SPOPL: variants seen among roughly 807,000 people sequenced by gnomAD.
SPOPL encodes speckle-type POZ protein-like.
SPOPL carries 23 observed loss-of-function variants against 53.8 expected under a neutral mutation model. The observed-to-expected ratio is 0.43, with a 90% CI of 0.31 to 0.61. The LOEUF (loss-of-function observed/expected upper bound fraction) is 0.61, where lower values mean the gene tolerates loss of function less well. SPOPL is among the 20% of genes least tolerant of loss of function. SPOPL has a pLI of 0.12. For synonymous variants in SPOPL, 164 were observed against 149.7 expected, an observed-to-expected ratio of 1.10 and a Z score of -0.70; for missense variants, 442 against 466.9, an observed-to-expected ratio of 0.95 and a Z score of 0.49.
Position 138,546,141 on chromosome 2 carries a change from CATT to C in SPOPL, c.-60-4015_-60-4013del, listed in dbSNP as rs562718688. On this transcript the variant is annotated intron_variant, in intron 1 of 10. Coordinates refer to ENST00000280098, the MANE Select transcript of SPOPL (RefSeq NM_001001664.3). ...GTGTGTCTATATGACATATATAAAA[CATT>C]GTGACATTGAAGCATTTTGTTGAAG... is the stretch of plus-strand genomic sequence containing the variant. 2.6e-5 allele frequency among the ~76,000 whole-genome samples: 4 copies of C among 152,222 alleles called. No homozygotes were observed. In the South Asian group the frequency reaches 6.2e-4, roughly 24 times the overall value.
intron 1 of SPOPL, among the ~76,000 whole-genome samples, chr2:138,526,109 G>C (rs1006103959): frequency 6.6e-6 from 1 of 151,978 alleles, no homozygotes; most frequent in Non-Finnish European, 1.5e-5. Context: ...TTTGCATTTT[G>C]TTCTGACTAT....
intron 1 of SPOPL, among the ~76,000 whole-genome samples, chr2:138,548,996 C>T (rs911519466): frequency 9.2e-5 from 14 of 152,118 alleles, no homozygotes; most frequent in African/African-American, 3.1e-4. Context: ...TCCACATGCA[C>T]TTGAAAATAA....
intron 1 of SPOPL, among the ~76,000 whole-genome samples, chr2:138,549,683 C>G (rs547118112): frequency 2.0e-5 from 3 of 152,162 alleles, no homozygotes; most frequent in Admixed American, 1.3e-4. Context: ...GTATTCATTG[C>G]CTGTTACATT....
Position 138,528,388 on chromosome 2 carries a change from T to C in SPOPL, c.-60-21769T>C, listed in dbSNP as rs150446737. ...CTGGATTGTGATTTATCTACCTTTA[T>C]ATCTCTGCTAATTTATTGCCGTTCC... On this transcript the variant is annotated intron_variant, in intron 1 of 10. Transcript: ENST00000280098. 5.9e-5 allele frequency among the ~76,000 whole-genome samples: 9 copies of C among 152,384 alleles called. No individual in the cohort carries two copies. The East Asian group carries it at 1.7e-3, about 29-fold the overall frequency.
At chr2:138,554,087 T>A (rs1017627518) in intron 5 of SPOPL, among the ~76,000 whole-genome samples, 371 of 113,370 alleles carry the variant, frequency 3.3e-3, no homozygotes, top group Non-Finnish European at 5.6e-3. Flanking sequence ...TTTTTTTTTT[T>A]AGAATTGAAA....
At chr2:138,515,273 A>C (rs935785299) in intron 1 of SPOPL, among the ~76,000 whole-genome samples, 1 of 152,192 alleles carries the variant, frequency 6.6e-6, no homozygotes, top group Non-Finnish European at 1.5e-5. Context: ...TGAGTTTGCA[A>C]CATTGGCCCA....
chr2:138,539,926 G>A (rs2104881370), intron 1 of SPOPL, among the ~76,000 whole-genome samples: 1 of 152,206 alleles, frequency 6.6e-6, no homozygotes, highest in East Asian at 1.9e-4. Context: ...TTTTGTATAA[G>A]GTGTAAGGAA....
chr2:138,552,706 ACC>A, intron 5 of SPOPL, 25 bp downstream of exon 5: 1 of 1,600,012 alleles, frequency 6.2e-7, no homozygotes, highest in Non-Finnish European at 8.5e-7. Flanking sequence ...TATTCTAAGA[ACC>A]CCATGGTTTA....
rs762154275 is a variant in SPOPL at position 138,559,049 on chromosome 2, A to G, written c.508A>G (p.Ile170Val). ...EVSVVQDSVN[I>V]SGHTNTNTLK... The stretch of plus-strand genomic sequence containing the variant: ...GAGTGTGGTCCAAGATTCAGTAAAC[A>G]TATCAGGACATACTAATACAAATAC... Residue 170 changes from isoleucine (I) to valine (V), a missense_variant, in exon 6 of 11, where the codon ATA becomes GTA. Physicochemically the swap from Ile to Val is conservative, Grantham distance 29. Transcript: ENST00000280098. The G allele has an allele frequency of 3.1e-6, 5 of 1,604,006 alleles. No homozygotes were observed. The highest frequency in any genetic ancestry group is 2.2e-5 in the East Asian group (1 of 44,670).
rs762706622 is a variant in SPOPL at position 138,550,194 on chromosome 2, T to C, written c.-23T>C. The C allele has an allele frequency of 3.7e-6, 6 of 1,611,214 alleles. No individual in the cohort carries two copies. Among genetic ancestry groups the C allele is most frequent in the Non-Finnish European group, 4.2e-6 (5 of 1,177,960 alleles). ...ACTGTGTGGGGTACTACATAAATCCTGAAAGACTACAATAAAGTGGTGATG... is the reference window on the plus strand; with the variant it reads ...ACTGTGTGGGGTACTACATAAATCCCGAAAGACTACAATAAAGTGGTGATG... On this transcript the variant is annotated 5_prime_UTR_variant, in exon 2 of 11. Transcript: ENST00000280098.
At chr2:138,526,861 G>C (rs1684687934) in intron 1 of SPOPL, among the ~76,000 whole-genome samples, 2 of 151,912 alleles carry the variant, frequency 1.3e-5, no homozygotes, top group South Asian at 4.2e-4. Context: ...CAAGTAGCTG[G>C]GACTACAGCA....
chr2:138,505,131 T>G (rs1173539794), intron 1 of SPOPL, among the ~76,000 whole-genome samples: 1 of 152,146 alleles, frequency 6.6e-6, no homozygotes, highest in African/African-American at 2.4e-5. Flanking sequence ...ATTCTTCACC[T>G]TTCTGAATAT....
At position 138,550,141 on chromosome 2, in the gene SPOPL, C is replaced by G; in HGVS notation, c.-60-16C>G. ...TAAACTTTTTAATCAGTACATCAAA[C>G]TTCTTTCCTTTGTAGGTAAGGTACT... On this transcript the variant is annotated splice_polypyrimidine_tract_variant and intron_variant, in intron 1 of 10. Transcript: ENST00000280098. 7.3e-7 allele frequency: 1 copy of G among 1,377,308 alleles called. No homozygotes were observed. Among genetic ancestry groups the G allele is most frequent in the Non-Finnish European group, 1.0e-6 (1 of 975,016 alleles). The allele number at this position is 1,377,308 out of a possible 1,614,324, so 85.3% of individuals were successfully genotyped here.
chr2:138,522,172 A>G (rs76008044), intron 1 of SPOPL, among the ~76,000 whole-genome samples: 1,653 of 152,292 alleles, frequency 0.011, 32 homozygotes, highest in African/African-American at 0.037. Flanking sequence ...TGCCCTAGAA[A>G]AACAGAAAGC....
At chr2:138,503,096 C>A (rs1037577111) in intron 1 of SPOPL, among the ~76,000 whole-genome samples, 6 of 152,152 alleles carry the variant, frequency 3.9e-5, no homozygotes, top group African/African-American at 1.4e-4. Flanking sequence ...AAGGTTCATA[C>A]CTTGAAAAAT....
chr2:138,548,643 T>G (rs1685248324), intron 1 of SPOPL, among the ~76,000 whole-genome samples: 2 of 152,054 alleles, frequency 1.3e-5, no homozygotes, highest in African/African-American at 4.8e-5. Context: ...AGTTATTTGC[T>G]TATTTTCTTA....
chr2:138,545,440 GT>G (rs555132269), intron 1 of SPOPL, among the ~76,000 whole-genome samples: 61 of 145,090 alleles, frequency 4.2e-4, no homozygotes, highest in African/African-American at 9.3e-4. Flanking sequence ...TTTTGTTTTT[GT>G]TTTTTTTTTT....
At chr2:138,508,185 G>A (rs918792219) in intron 1 of SPOPL, among the ~76,000 whole-genome samples, 2 of 152,126 alleles carry the variant, frequency 1.3e-5, no homozygotes, top group African/African-American at 4.8e-5. Context: ...CTTGGACCAT[G>A]GGTAGAATAC....
intron 1 of SPOPL, among the ~76,000 whole-genome samples, chr2:138,516,600 A>C (rs1412398483): frequency 6.6e-6 from 1 of 151,970 alleles, no homozygotes; most frequent in Non-Finnish European, 1.5e-5. Context: ...ATAGTGAAGA[A>C]AACTGTGGAG....
Sources: allele counts gnomAD v4.1 joint callset (sites outside exome capture counted in the v4.1 genomes callset), GRCh38; gene constraint gnomAD v4.1.1; transcripts MANE v1.5; gene names NCBI Gene and HGNC (gene_info 2026-07-23, HGNC 2026-07-21).